Variants in PCDHAC1 observed in about 807,000 individuals in gnomAD.
PCDHAC1 encodes the protein protocadherin alpha-C1.
A neutral mutation model predicts 60.0 loss-of-function variants in PCDHAC1; 42 were observed. That is an observed-to-expected ratio of 0.70 (90% CI 0.55 to 0.90). The LOEUF (loss-of-function observed/expected upper bound fraction) is 0.90. Ranked by LOEUF, PCDHAC1 falls within the 40% of genes least tolerant of loss-of-function variation. PCDHAC1 has a pLI of 0.00. For synonymous variants in PCDHAC1, 468 were observed against 499.3 expected (o/e 0.94, Z 0.84); for missense variants, 1,160 against 1,222.3 (o/e 0.95, Z 0.76).
At chr5:140,993,460 TCTCACACACACACA>T (rs1441171729) in intron 3 of PCDHAC1, among the ~76,000 whole-genome samples, 1 of 104,506 alleles carries the variant, frequency 9.6e-6, no homozygotes, top group Non-Finnish European at 1.9e-5. Flanking sequence ...CTTCTTTCTT[TCTCACACACACACA>T]CACACACACA....
intron 1 of PCDHAC1, chr5:140,968,948 A>G (rs1554231262): frequency 2.5e-6 from 4 of 1,614,064 alleles, no homozygotes; most frequent in East Asian, 4.5e-5. Flanking sequence ...CATTTTGAGC[A>G]TCATCAAGTG....
Position 140,974,282 on chromosome 5 carries a change from T to C in PCDHAC1, c.2434-4667T>C, listed in dbSNP as rs115449410. Among the ~76,000 whole-genome samples, 1,252 of 152,332 alleles carry C rather than the reference T, an allele frequency of 8.2e-3. 23 individuals carry two copies. The highest frequency in any genetic ancestry group is 0.028 in the African/African-American group (1,180 of 41,572). ...TTCTGGCCTTCCAGGGTCAGAACTC[T>C]GGGCTCCAAGGAGGTACAACTGTGA... On this transcript the variant is annotated intron_variant, in intron 1 of 3. Coordinates refer to ENST00000253807, the MANE Select transcript of PCDHAC1 (RefSeq NM_018898.5).
chr5:140,929,465 A>G (rs2086179280), intron 1 of PCDHAC1, 140 bp downstream of exon 1: 1 of 1,322,058 alleles, frequency 7.6e-7, no homozygotes, highest in African/African-American at 1.5e-5. Flanking sequence ...CTGTGCCAAG[A>G]AATCTGGAAG....
chr5:140,938,268 T>C (rs2091998417), intron 1 of PCDHAC1, among the ~76,000 whole-genome samples: 1 of 152,190 alleles, frequency 6.6e-6, no homozygotes, highest in Non-Finnish European at 1.5e-5. Context: ...TCTAATCACA[T>C]AGTTTTCTTG....
chr5:140,966,727 C>T (rs1330950109), intron 1 of PCDHAC1: 4 of 1,405,404 alleles, frequency 2.8e-6, no homozygotes, highest in East Asian at 2.8e-5. Context: ...AAGCTGCCGC[C>T]TCCGGCCCTG....
At chr5:141,008,863 C>A (rs902385521) in intron 3 of PCDHAC1, among the ~76,000 whole-genome samples, 2 of 152,204 alleles carry the variant, frequency 1.3e-5, no homozygotes, top group African/African-American at 2.4e-5. Flanking sequence ...CTCTTCCATG[C>A]TGCATCCCAC....
At chr5:140,963,594 C>G (rs549697848) in intron 1 of PCDHAC1, among the ~76,000 whole-genome samples, 1 of 152,258 alleles carries the variant, frequency 6.6e-6, no homozygotes, top group South Asian at 2.1e-4. Flanking sequence ...GGATATAGTT[C>G]TAGACGTAAT....
intron 1 of PCDHAC1, chr5:140,968,939 A>G: frequency 6.2e-7 from 1 of 1,614,164 alleles, no homozygotes; most frequent in South Asian, 1.1e-5. Flanking sequence ...GACAATCATC[A>G]TTTTGAGCAT....
At chr5:140,963,957 A>T (rs1585999636) in intron 1 of PCDHAC1, among the ~76,000 whole-genome samples, 1 of 152,230 alleles carries the variant, frequency 6.6e-6, no homozygotes. Flanking sequence ...CACTGGCAGG[A>T]GTGTGACTGA....
At chr5:140,956,200 GA>G (rs1385482287) in intron 1 of PCDHAC1, among the ~76,000 whole-genome samples, 1 of 152,152 alleles carries the variant, frequency 6.6e-6, no homozygotes, top group Non-Finnish European at 1.5e-5. Flanking sequence ...TAGGAGTGGT[GA>G]AAGAGGGCAT....
chr5:140,966,845 C>T, intron 1 of PCDHAC1: 2 of 1,570,442 alleles, frequency 1.3e-6, no homozygotes, highest in South Asian at 2.3e-5. Context: ...GCTGCTACTG[C>T]CTCTCCTGCT....
intron 1 of PCDHAC1, chr5:140,967,928 A>T (rs1438894870): frequency 3.1e-6 from 5 of 1,614,082 alleles, no homozygotes; most frequent in Non-Finnish European, 3.4e-6. Flanking sequence ...GGCCGTTCTC[A>T]GTGTCAATGA....
In PCDHAC1 at chr5:140,928,659, C is replaced by T. The variant is rs782522131; in HGVS notation, c.1767C>T (p.Asp589=). ...CAAAAGTGGTAGCAGAGGATGCTGACAGTGGTTCTAATGCCTGGCTTTCCT... is the reference window on the plus strand; with the variant it reads ...CAAAAGTGGTAGCAGAGGATGCTGATAGTGGTTCTAATGCCTGGCTTTCCT... ...LVTKVVAEDA[D]SGSNAWLSYH... is the part of the protein sequence containing the mutation. The change falls in exon 1 of 4, where the codon GAC becomes GAT. Residue 589 remains aspartate (D), a synonymous_variant. Transcript: ENST00000253807. 1.2e-6 allele frequency: 2 copies of T among 1,614,080 alleles called. No homozygotes were observed. The highest frequency in any genetic ancestry group is 2.7e-5 in the African/African-American group (2 of 74,938).
At chr5:140,975,154 G>C (rs73268051) in intron 1 of PCDHAC1, among the ~76,000 whole-genome samples, 1,571 of 152,266 alleles carry the variant, frequency 0.01, 23 homozygotes, top group African/African-American at 0.036. Flanking sequence ...TCAGTTCCTA[G>C]AGAACTGAGG....
intron 1 of PCDHAC1, among the ~76,000 whole-genome samples, chr5:140,964,846 C>G (rs1292135709): frequency 2.0e-5 from 3 of 152,180 alleles, no homozygotes; most frequent in Non-Finnish European, 2.9e-5. Context: ...TACTCTGTAC[C>G]CTTGAGGAAA....
chr5:140,966,922 G>A (rs782206344), intron 1 of PCDHAC1: 5 of 1,603,072 alleles, frequency 3.1e-6, no homozygotes, highest in Non-Finnish European at 4.2e-6. Context: ...CAGAGGAGCA[G>A]GCACCCGGCG....
intron 1 of PCDHAC1, among the ~76,000 whole-genome samples, chr5:140,958,345 C>G (rs1220590485): frequency 6.6e-6 from 1 of 152,044 alleles, no homozygotes; most frequent in African/African-American, 2.4e-5. Flanking sequence ...ACAGGAAGTT[C>G]ACAGTCTGAC....
intron 3 of PCDHAC1, among the ~76,000 whole-genome samples, chr5:140,995,774 G>A (rs2097697505): frequency 1.3e-5 from 2 of 151,968 alleles, no homozygotes; most frequent in Admixed American, 1.3e-4. Context: ...GAGAGTGAAG[G>A]GCAGGTTTAA....
In PCDHAC1 at chr5:140,926,613, C is replaced by T. The variant is rs868988407; in HGVS notation, c.-280C>T. 2.3e-4 allele frequency: 87 copies of T among 374,818 alleles called. No individual in the cohort carries two copies. Among genetic ancestry groups the T allele is most frequent in the Middle Eastern group, 2.1e-3 (3 of 1,432 alleles). The allele number at this position is 374,818 out of a possible 1,614,324, so 23.2% of individuals were successfully genotyped here. Reference sequence around the variant, plus strand: ...CGGGCGGGCGGCCTCGTCTCTGCACCCCTAGGCGGCGCTGCGCTCCTCAAC... The same window carrying T: ...CGGGCGGGCGGCCTCGTCTCTGCACTCCTAGGCGGCGCTGCGCTCCTCAAC... On this transcript the variant is annotated 5_prime_UTR_variant, in exon 1 of 4. Transcript: ENST00000253807.
Sources: gnomAD v4.1 joint callset for allele counts (sites outside exome capture counted in the v4.1 genomes callset) on GRCh38, gnomAD v4.1.1 for gene constraint, MANE v1.5 for transcripts, NCBI Gene and HGNC (gene_info 2026-07-23, HGNC 2026-07-21) for gene names.